Variants in MTHFD1L observed in about 807,000 individuals in gnomAD.
MTHFD1L encodes the protein methylenetetrahydrofolate dehydrogenase (NADP+ dependent) 1 like, also known as monofunctional C1-tetrahydrofolate synthase, mitochondrial.
In MTHFD1L, 81 loss-of-function variants were observed where a neutral mutation model predicts 119.5. The ratio of observed to expected loss-of-function variants is 0.68; its 90% CI spans 0.57 to 0.82. MTHFD1L has a LOEUF of 0.82. Ranked by LOEUF, MTHFD1L falls within the 40% of genes least tolerant of loss-of-function variation. MTHFD1L has a pLI of 0.00. For missense variants in MTHFD1L, 1,125 were observed against 1,253.4 expected (o/e 0.90, Z 1.55); for synonymous variants, 430 against 475.2 (o/e 0.90, Z 1.24).
At chr6:150,946,603 A>C (rs1217931021) in intron 15 of MTHFD1L, among the ~76,000 whole-genome samples, 2 of 152,210 alleles carry the variant, frequency 1.3e-5, no homozygotes, top group Non-Finnish European at 2.9e-5. Context: ...GAGACTAAAA[A>C]ATAACCCTAA....
chr6:150,935,447 C>A (rs1791893595), intron 11 of MTHFD1L: 13 of 1,613,048 alleles, frequency 8.1e-6, no homozygotes, highest in Admixed American at 1.7e-5. Context: ...CTCATCAGCT[C>A]CTTGGCATTT....
intron 24 of MTHFD1L, among the ~76,000 whole-genome samples, chr6:151,026,632 C>G (rs1784636912): frequency 6.6e-6 from 1 of 151,826 alleles, no homozygotes; most frequent in Admixed American, 6.6e-5. Flanking sequence ...AATGTTAGTT[C>G]AAAAATGACC....
At chr6:150,922,346 T>A (rs1222631848) in intron 10 of MTHFD1L, 44 bp downstream of exon 10, 3 of 1,513,478 alleles carry the variant, frequency 2.0e-6, no homozygotes, top group Admixed American at 1.7e-5. Context: ...CTCAGCACAG[T>A]GCCTTAGCCC....
chr6:150,887,700 G>A (rs542842411), intron 6 of MTHFD1L, 145 bp from the exon 7 acceptor site: 34 of 728,572 alleles, frequency 4.7e-5, no homozygotes, highest in African/African-American at 3.3e-4. Flanking sequence ...GAAGTGATCC[G>A]CCTGCCTCAG....
At chr6:151,042,702 A>G (rs1462054632) in intron 26 of MTHFD1L, among the ~76,000 whole-genome samples, 6 of 152,256 alleles carry the variant, frequency 3.9e-5, no homozygotes, top group Non-Finnish European at 7.3e-5. Context: ...ATATGTAAGC[A>G]AAGTATATGA....
At chr6:150,931,633 A>G (rs1409153208) in intron 11 of MTHFD1L, among the ~76,000 whole-genome samples, 4 of 152,202 alleles carry the variant, frequency 2.6e-5, no homozygotes, top group African/African-American at 9.6e-5. Context: ...TTCATATGCT[A>G]CTTGAGCATG....
intron 27 of MTHFD1L, chr6:151,099,940 C>T (rs1309915082): frequency 1.6e-5 from 17 of 1,057,608 alleles, no homozygotes; most frequent in African/African-American, 3.1e-5. Context: ...GTAGACAGCT[C>T]GTGTGCACAT....
Position 150,926,752 on chromosome 6 carries a change from G to C in MTHFD1L, c.1256+457G>C, listed in dbSNP as rs1414309356. 6.6e-6 allele frequency among the ~76,000 whole-genome samples: 1 copy of C among 152,114 alleles called. No individual in the cohort carries two copies. The highest frequency in any genetic ancestry group is 1.5e-5 in the Non-Finnish European group (1 of 68,030). ...TTACCTACATATTCACATTTCAAAAGCTCATTATTTCCCTTTTTCTGCATT... is the reference window on the plus strand; with the variant it reads ...TTACCTACATATTCACATTTCAAAACCTCATTATTTCCCTTTTTCTGCATT... On this transcript the variant is annotated intron_variant, in intron 11 of 27. Transcript: ENST00000367321. The surrounding 1 kb of genome is among the most constrained non-coding windows in gnomAD (Gnocchi z 4.3).
chr6:150,901,927 T>A (rs985834738), intron 7 of MTHFD1L, among the ~76,000 whole-genome samples: 3 of 152,168 alleles, frequency 2.0e-5, no homozygotes, highest in Non-Finnish European at 4.4e-5. Flanking sequence ...TTTTCATAGG[T>A]CTCAAGTGAT....
chr6:150,950,722 T>G (rs1291533686), intron 16 of MTHFD1L, among the ~76,000 whole-genome samples: 6 of 152,192 alleles, frequency 3.9e-5, no homozygotes, highest in African/African-American at 1.4e-4. Context: ...TAGGCTGAAG[T>G]GCAGTGGTGC....
intron 8 of MTHFD1L, among the ~76,000 whole-genome samples, chr6:150,916,984 C>G (rs530640997): frequency 3.7e-4 from 56 of 151,226 alleles, no homozygotes; most frequent in African/African-American, 1.1e-3. Flanking sequence ...TGTTCTCAAA[C>G]CCCCGACCTC....
intron 8 of MTHFD1L, among the ~76,000 whole-genome samples, chr6:150,915,178 G>T (rs964029017): frequency 6.6e-6 from 1 of 152,112 alleles, no homozygotes; most frequent in African/African-American, 2.4e-5. Context: ...CCTGTGGGCC[G>T]CATGTAGCCC....
intron 20 of MTHFD1L, among the ~76,000 whole-genome samples, chr6:150,980,470 C>T (rs189901968): frequency 0.012 from 1,876 of 152,244 alleles, 25 homozygotes; most frequent in Non-Finnish European, 0.021. Flanking sequence ...TCTTCATATA[C>T]ACTAAACAGG....
intron 26 of MTHFD1L, among the ~76,000 whole-genome samples, chr6:151,063,199 C>G (rs1562617261): frequency 6.6e-6 from 1 of 152,106 alleles, no homozygotes; most frequent in Non-Finnish European, 1.5e-5. Context: ...GCTGTTTTTT[C>G]TACAGTCACA....
chr6:150,886,476 G>A (rs960086322), intron 6 of MTHFD1L, among the ~76,000 whole-genome samples: 14 of 151,074 alleles, frequency 9.3e-5, no homozygotes, highest in African/African-American at 2.9e-4. Context: ...AGAAGAAGCC[G>A]GTAGATGTAG....
chr6:150,919,099 G>A (rs1323658150), intron 9 of MTHFD1L, among the ~76,000 whole-genome samples: 1 of 151,410 alleles, frequency 6.6e-6, no homozygotes, highest in African/African-American at 2.4e-5. Context: ...GGAGACAGAG[G>A]TTGTGGTGAG....
At chr6:151,075,964 A>G (rs760805772) in intron 26 of MTHFD1L, among the ~76,000 whole-genome samples, 1 of 152,256 alleles carries the variant, frequency 6.6e-6, no homozygotes, top group Non-Finnish European at 1.5e-5. Flanking sequence ...ATTTGAACAC[A>G]TATTTCACCC....
At chr6:151,092,000 C>A (rs954799379) in intron 26 of MTHFD1L, among the ~76,000 whole-genome samples, 1 of 152,040 alleles carries the variant, frequency 6.6e-6, no homozygotes, top group Non-Finnish European at 1.5e-5. Context: ...TGAGGGAGAC[C>A]GGGGTGACGA....
intron 1 of MTHFD1L, among the ~76,000 whole-genome samples, chr6:150,872,923 A>G (rs1312940095): frequency 2.0e-5 from 3 of 151,762 alleles, no homozygotes; most frequent in Non-Finnish European, 2.9e-5. Context: ...CAGCCTCCCA[A>G]AGTGCTGGGA....
Sources: gnomAD v4.1 joint callset for allele counts (sites outside exome capture counted in the v4.1 genomes callset) on GRCh38, gnomAD v4.1.1 for gene constraint, Gnocchi (gnomAD v3.1) non-coding constraint, MANE v1.5 for transcripts, NCBI Gene and HGNC (gene_info 2026-07-23, HGNC 2026-07-21) for gene names.